KCTD1: variants seen among roughly 807,000 people sequenced by gnomAD.
KCTD1 encodes potassium channel tetramerization domain containing 1.
In KCTD1, 24 loss-of-function variants were observed where a neutral mutation model predicts 66.0. That is an observed-to-expected ratio of 0.36 (90% CI 0.26 to 0.51). The LOEUF (loss-of-function observed/expected upper bound fraction) is 0.51, where lower values mean the gene tolerates loss of function less well. KCTD1 is among the 20% of genes least tolerant of loss of function. The pLI, the probability that KCTD1 is intolerant of heterozygous loss-of-function variation, is 0.95. For synonymous variants in KCTD1, 511 were observed against 517.2 expected, an observed-to-expected ratio of 0.99 and a Z score of 0.16; for missense variants, 943 against 1,205.2, an observed-to-expected ratio of 0.78 and a Z score of 3.22.
intron 1 of KCTD1, among the ~76,000 whole-genome samples, chr18:26,607,960 G>A (rs1175991380): frequency 6.6e-6 from 1 of 151,972 alleles, no homozygotes; most frequent in African/African-American, 2.4e-5. Flanking sequence ...TTGTAGAGTT[G>A]GGGTCTCACT....
At chr18:26,515,199 T>G (rs1438109302) in intron 1 of KCTD1, among the ~76,000 whole-genome samples, 2 of 152,242 alleles carry the variant, frequency 1.3e-5, no homozygotes, top group East Asian at 1.9e-4. Flanking sequence ...TGTATTCAGA[T>G]AGCGCCTTAT....
chr18:26,493,671 C>T (rs8094438), intron 2 of KCTD1, among the ~76,000 whole-genome samples: 5,031 of 152,228 alleles, frequency 0.033, 263 homozygotes, highest in African/African-American at 0.12. Flanking sequence ...GGGTATCCAT[C>T]CCCTCGAGCA....
upstream of KCTD1, among the ~76,000 whole-genome samples, chr18:26,551,694 T>G (rs1460241836): frequency 6.6e-6 from 1 of 152,160 alleles, no homozygotes; most frequent in Admixed American, 6.5e-5. Flanking sequence ...AACACAAAAT[T>G]ACAGTGGAGT....
chr18:26,533,862 T>C (rs986992065), intron 1 of KCTD1, among the ~76,000 whole-genome samples: 2 of 151,426 alleles, frequency 1.3e-5, no homozygotes, highest in African/African-American at 4.9e-5. Context: ...AGCCATGGAA[T>C]TTGCGATTTA....
intron 2 of KCTD1, among the ~76,000 whole-genome samples, chr18:26,486,916 T>C (rs1403375393): frequency 6.6e-6 from 1 of 152,138 alleles, no homozygotes; most frequent in African/African-American, 2.4e-5. Context: ...TACCTATAAG[T>C]GAAAAACCAG....
chr18:26,570,914 A>G (rs1040350420), intron 1 of KCTD1, among the ~76,000 whole-genome samples: 1 of 152,254 alleles, frequency 6.6e-6, no homozygotes, highest in African/African-American at 2.4e-5. Context: ...TGTCTAAATC[A>G]TATGCCGAGT....
intron 2 of KCTD1, among the ~76,000 whole-genome samples, chr18:26,495,056 C>T (rs1982397309): frequency 6.6e-6 from 1 of 152,110 alleles, no homozygotes; most frequent in Non-Finnish European, 1.5e-5. Flanking sequence ...CTCACTATTC[C>T]ATGTCATGCA....
intron 3 of KCTD1, among the ~76,000 whole-genome samples, chr18:26,475,327 T>C (rs566161720): frequency 2.2e-4 from 34 of 152,344 alleles, no homozygotes; most frequent in African/African-American, 7.2e-4. Context: ...TTGCACTGAC[T>C]ATATAGAATA....
chr18:26,515,865 C>T (rs185166649), intron 1 of KCTD1, among the ~76,000 whole-genome samples: 1 of 152,302 alleles, frequency 6.6e-6, no homozygotes, highest in African/African-American at 2.4e-5. Context: ...TAGAGCATTC[C>T]TGCCCAAGGA....
intron 1 of KCTD1, among the ~76,000 whole-genome samples, chr18:26,653,990 CGTT>C (rs1226506373): frequency 6.6e-6 from 1 of 152,158 alleles, no homozygotes; most frequent in African/African-American, 2.4e-5. Context: ...TAAATAAAAA[CGTT>C]GGTGAAGTAA....
chr18:26,643,781 T>C (rs563411323), upstream of KCTD1, among the ~76,000 whole-genome samples: 603 of 152,264 alleles, frequency 4.0e-3, 6 homozygotes, highest in Non-Finnish European at 4.3e-3. Context: ...GCTAACACGA[T>C]GAAACCCTGT....
At chr18:26,632,530 A>G (rs1987643323), upstream of KCTD1, among the ~76,000 whole-genome samples, 1 of 152,234 alleles carries the variant, frequency 6.6e-6, no homozygotes, top group South Asian at 2.1e-4. Context: ...ACAATTGGAA[A>G]GAAGAAATAA....
In KCTD1 at chr18:26,455,739, C is replaced by T; in HGVS notation, c.*4G>A. On this transcript the variant is annotated 3_prime_UTR_variant, in exon 5 of 5. Coordinates refer to ENST00000580059, the MANE Select transcript of KCTD1 (RefSeq NM_001142730.3). Reference sequence around the variant, plus strand: ...TTTCCTTTTTGCATAAGAAATATGTCCATTTAGTCCAGAGGCTCTTGCTTT... The same window carrying T: ...TTTCCTTTTTGCATAAGAAATATGTTCATTTAGTCCAGAGGCTCTTGCTTT... 1 of 1,613,784 alleles carries T rather than the reference C, an allele frequency of 6.2e-7. No homozygotes were observed. The highest frequency in any genetic ancestry group is 8.5e-7 in the Non-Finnish European group (1 of 1,179,932).
At chr18:26,562,031 G>T (rs1219459964) in intron 1 of KCTD1, among the ~76,000 whole-genome samples, 1 of 152,126 alleles carries the variant, frequency 6.6e-6, no homozygotes, top group Non-Finnish European at 1.5e-5. Context: ...AATCAGCCCT[G>T]TCTTAAATTT....
intron 1 of KCTD1, among the ~76,000 whole-genome samples, chr18:26,560,903 CA>C (rs1985831798): frequency 6.6e-6 from 1 of 152,148 alleles, no homozygotes; most frequent in Non-Finnish European, 1.5e-5. Context: ...CCTTTCAACG[CA>C]GTAAATCATT....
At chr18:26,500,959 T>C (rs1982728306) in intron 2 of KCTD1, 113 bp downstream of exon 2, 2 of 1,219,412 alleles carry the variant, frequency 1.6e-6, no homozygotes, top group Non-Finnish European at 2.3e-6. Context: ...CACACAGCAC[T>C]TTCACATCCT....
chr18:26,585,418 A>T (rs1249524080), intron 1 of KCTD1, among the ~76,000 whole-genome samples: 1 of 152,222 alleles, frequency 6.6e-6, no homozygotes, highest in Non-Finnish European at 1.5e-5. Flanking sequence ...TTTTTGTTCA[A>T]CTATTTAATG....
chr18:26,651,206 G>A (rs111491740), intron 1 of KCTD1, among the ~76,000 whole-genome samples: 35 of 152,304 alleles, frequency 2.3e-4, no homozygotes, highest in African/African-American at 7.9e-4. Context: ...AATGGAAGCC[G>A]GTGGCAGAAC....
rs1265250726 is a variant in KCTD1 at position 26,505,753 on chromosome 18, CTTGCTATG to C, written c.1810-4511_1810-4504del. ...TAACATTTTTTTGTAGACACAGGGT[CTTGCTATG>C]TTGCTCAGACTGGTCTTAAACTCCT... On this transcript the variant is annotated intron_variant, in intron 1 of 4. Transcript: ENST00000580059. 5.3e-5 allele frequency among the ~76,000 whole-genome samples: 8 copies of C among 152,212 alleles called. No homozygotes were observed. The East Asian group carries it at 1.5e-3, about 29-fold the overall frequency.
Sources: allele counts gnomAD v4.1 joint callset (sites outside exome capture counted in the v4.1 genomes callset), GRCh38; gene constraint gnomAD v4.1.1; transcripts MANE v1.5; gene names NCBI Gene and HGNC (gene_info 2026-07-23, HGNC 2026-07-21).